Variants in RSRC1 observed in about 807,000 individuals in gnomAD.
The protein encoded by RSRC1 is serine/Arginine-related protein 53.
Under a neutral mutation model 49.1 loss-of-function variants are expected in RSRC1, and 39 were observed. The observed-to-expected ratio is 0.79, with a 90% CI of 0.61 to 1.04. RSRC1 has a LOEUF of 1.04. Among genes scored for constraint, RSRC1 ranks in the 50% least tolerant of loss-of-function variants. The probability of loss-of-function intolerance (pLI) is 0.00; values close to 1 mark genes in which losing one functional copy is unlikely to be tolerated. For missense variants in RSRC1, 388 were observed against 402.4 expected, an observed-to-expected ratio of 0.96 and a Z score of 0.31; for synonymous variants, 143 against 130.8, an observed-to-expected ratio of 1.09 and a Z score of -0.63.
intron 1 of RSRC1, among the ~76,000 whole-genome samples, chr3:158,121,665 G>A (rs971812079): frequency 1.3e-5 from 2 of 152,168 alleles, no homozygotes; most frequent in African/African-American, 4.8e-5. Context: ...ATTAGGGAAT[G>A]TGAGAATAAA....
At chr3:158,179,261 T>C (rs1017362292) in intron 3 of RSRC1, among the ~76,000 whole-genome samples, 1 of 152,188 alleles carries the variant, frequency 6.6e-6, no homozygotes, top group Admixed American at 6.5e-5. Flanking sequence ...TTTGTCCTGT[T>C]TCCCTGATGA....
intron 6 of RSRC1, among the ~76,000 whole-genome samples, chr3:158,384,255 T>C (rs1025580721): frequency 1.3e-5 from 2 of 152,114 alleles, no homozygotes; most frequent in Non-Finnish European, 2.9e-5. Flanking sequence ...AGATTGCAAG[T>C]ACACAGTCAA....
chr3:158,235,578 A>G (rs917424110), intron 4 of RSRC1, among the ~76,000 whole-genome samples: 1 of 152,196 alleles, frequency 6.6e-6, no homozygotes, highest in Non-Finnish European at 1.5e-5. Context: ...ATACAAAATG[A>G]TGAGTTCATA....
At chr3:158,155,719 A>G (rs1330433515) in intron 3 of RSRC1, among the ~76,000 whole-genome samples, 1 of 151,762 alleles carries the variant, frequency 6.6e-6, no homozygotes. Context: ...CTAGGATTAC[A>G]GGCATGAGCC....
intron 4 of RSRC1, among the ~76,000 whole-genome samples, chr3:158,257,584 T>C (rs981110754): frequency 1.3e-5 from 2 of 152,154 alleles, no homozygotes; most frequent in African/African-American, 4.8e-5. Flanking sequence ...TGTTTTTCTA[T>C]CCATTCAGGC....
chr3:158,393,201 C>T (rs1388311851), intron 6 of RSRC1, among the ~76,000 whole-genome samples: 2 of 151,804 alleles, frequency 1.3e-5, no homozygotes, highest in African/African-American at 4.8e-5. Context: ...ACTAAATGTC[C>T]CTATCAAAAA....
At chr3:158,269,510 G>GA (rs2108051859) in intron 4 of RSRC1, among the ~76,000 whole-genome samples, 1 of 151,940 alleles carries the variant, frequency 6.6e-6, no homozygotes, top group Admixed American at 6.5e-5. Flanking sequence ...AGTATTTTCA[G>GA]AAAACAGATT....
intron 4 of RSRC1, among the ~76,000 whole-genome samples, chr3:158,203,802 T>G (rs531225545): frequency 6.6e-6 from 1 of 152,316 alleles, no homozygotes; most frequent in Non-Finnish European, 1.5e-5. Context: ...GTCCAGATTT[T>G]ATTTTTCATA....
chr3:158,223,166 C>G (rs570058677), intron 4 of RSRC1, among the ~76,000 whole-genome samples: 9 of 151,678 alleles, frequency 5.9e-5, no homozygotes, highest in Admixed American at 2.0e-4. Context: ...TCCTCGTATG[C>G]CCTTCGTCTT....
At chr3:158,238,144 G>C (rs557440973) in intron 4 of RSRC1, among the ~76,000 whole-genome samples, 1 of 152,166 alleles carries the variant, frequency 6.6e-6, no homozygotes, top group African/African-American at 2.4e-5. Context: ...AAAATACCCA[G>C]GAATCCAACT....
At chr3:158,415,220 A>G (rs16828961) in intron 6 of RSRC1, among the ~76,000 whole-genome samples, 11,127 of 152,146 alleles carry the variant, frequency 0.073, 480 homozygotes, top group South Asian at 0.13. Context: ...ATCTACTTGT[A>G]CCCAGAAGGA....
chr3:158,175,027 G>A (rs979359987), intron 3 of RSRC1, among the ~76,000 whole-genome samples: 3 of 152,054 alleles, frequency 2.0e-5, no homozygotes, highest in Non-Finnish European at 4.4e-5. Flanking sequence ...TGGGCATATA[G>A]TACTATCCCT....
chr3:158,252,839 C>T (rs1724298988), intron 4 of RSRC1, among the ~76,000 whole-genome samples: 1 of 152,014 alleles, frequency 6.6e-6, no homozygotes. Context: ...AGGAATATTT[C>T]TGTTTCTTCT....
chr3:158,373,097 T>C (rs1732168368), intron 6 of RSRC1, among the ~76,000 whole-genome samples: 1 of 151,884 alleles, frequency 6.6e-6, no homozygotes, highest in African/African-American at 2.4e-5. Context: ...AAAAGATTCA[T>C]TAGGATTTTT....
chr3:158,146,247 A>G (rs1469358482), intron 3 of RSRC1, among the ~76,000 whole-genome samples: 1 of 152,170 alleles, frequency 6.6e-6, no homozygotes, highest in Non-Finnish European at 1.5e-5. Context: ...CCCATTCAGT[A>G]TGATATTGGC....
At chr3:158,296,158 T>C (rs1299163066) in intron 4 of RSRC1, among the ~76,000 whole-genome samples, 1 of 152,166 alleles carries the variant, frequency 6.6e-6, no homozygotes, top group Non-Finnish European at 1.5e-5. Context: ...GCAATATTAT[T>C]TTCTAATAAG....
At chr3:158,290,790 A>G (rs1192229426) in intron 4 of RSRC1, among the ~76,000 whole-genome samples, 5 of 152,198 alleles carry the variant, frequency 3.3e-5, no homozygotes, top group African/African-American at 1.2e-4. Context: ...TGAAAGAAAA[A>G]AATACAAAAT....
intron 8 of RSRC1, among the ~76,000 whole-genome samples, chr3:158,541,105 T>C (rs963309160): frequency 6.6e-6 from 1 of 152,196 alleles, no homozygotes; most frequent in South Asian, 2.1e-4. Flanking sequence ...TTGCTCACTA[T>C]ACACCAGCCC....
intron 5 of RSRC1, among the ~76,000 whole-genome samples, chr3:158,319,697 C>A (rs1242963312): frequency 6.6e-6 from 1 of 152,072 alleles, no homozygotes; most frequent in Non-Finnish European, 1.5e-5. Flanking sequence ...TAATTATTAT[C>A]AACAGTTCTA....
Sources: gnomAD v4.1 joint callset for allele counts (sites outside exome capture counted in the v4.1 genomes callset) on GRCh38, gnomAD v4.1.1 for gene constraint, MANE v1.5 for transcripts, NCBI Gene and HGNC (gene_info 2026-07-23, HGNC 2026-07-21) for gene names.